NUFIP2: variants seen among roughly 807,000 people sequenced by gnomAD.
NUFIP2 encodes the protein nuclear FMR1 interacting protein 2, also known as FMR1-interacting protein NUFIP2.
In NUFIP2, 6 loss-of-function variants were observed where a neutral mutation model predicts 56.9. That is an observed-to-expected ratio of 0.11 (90% confidence interval 0.06 to 0.21). The LOEUF is 0.21. Among genes scored for constraint, NUFIP2 ranks in the 10% least tolerant of loss-of-function variants. The pLI is 1.00. For missense variants in NUFIP2, 828 were observed against 826.8 expected, an observed-to-expected ratio of 1.00 and a Z score of -0.02; for synonymous variants, 321 against 298.2, an observed-to-expected ratio of 1.08 and a Z score of -0.79.
chr17:29,263,081 A>G lies in NUFIP2; in HGVS notation c.*1458T>C, dbSNP rs1457467143. ...TAAATGCCCTGATATTTTAACCTGT[A>G]TTTGACATACATGGATATACTAATT... On this transcript the variant is annotated 3_prime_UTR_variant, in exon 4 of 4. Transcript: ENST00000225388. The G allele has an allele frequency of 6.6e-6, 1 of 152,584 alleles. No individual in the cohort carries two copies. The highest frequency in any genetic ancestry group is 2.4e-5 in the African/African-American group (1 of 41,438). The allele number at this position is 152,584 out of a possible 1,614,324, so 9.5% of individuals were successfully genotyped here.
At chr17:29,271,358 G>A (rs1223841891) in intron 2 of NUFIP2, among the ~76,000 whole-genome samples, 1 of 151,972 alleles carries the variant, frequency 6.6e-6, no homozygotes, top group Non-Finnish European at 1.5e-5. Flanking sequence ...CCAACATGGT[G>A]AAACCCCGTC....
At position 29,257,557 on chromosome 17, in the gene NUFIP2, T is replaced by C. The variant is rs1338804099; in HGVS notation, c.*6982A>G. 1 of 152,118 alleles carries C rather than the reference T, an allele frequency of 6.6e-6. No individual in the cohort carries two copies. The highest frequency in any genetic ancestry group is 1.5e-5 in the Non-Finnish European group (1 of 68,006). 9.4% of individuals were successfully genotyped at this position (152,118 alleles called of 1,614,324 possible). A position where few individuals can be genotyped will look rare whatever the true frequency, so the allele number is the denominator to read the frequency against. ...ATGACAAGAATTGCACAGTTTATTA[T>C]TTTGAGACAATTGTTGCAGACATAA... On this transcript the variant is annotated 3_prime_UTR_variant, in exon 4 of 4. Coordinates refer to ENST00000225388, the MANE Select transcript of NUFIP2 (RefSeq NM_020772.3).
rs755159626 is a variant in NUFIP2 at position 29,294,094 on chromosome 17, G to A, written c.-35C>T. 4 of 1,567,668 alleles carry A rather than the reference G, an allele frequency of 2.6e-6. No homozygotes were observed. Among genetic ancestry groups the A allele is most frequent in the East Asian group, 2.2e-5 (1 of 44,466 alleles). On this transcript the variant is annotated 5_prime_UTR_variant, in exon 1 of 4. Transcript: ENST00000225388. Reference sequence around the variant, plus strand: ...CTGGGACTCCCTGGCTGAGGCTGCGGGCTGCTGCACCGTCAGGATCTGAGA... The same window carrying A: ...CTGGGACTCCCTGGCTGAGGCTGCGAGCTGCTGCACCGTCAGGATCTGAGA...
chr17:29,286,791 G>C lies in NUFIP2; in HGVS notation c.1203C>G (p.Val401=). ...TAACAGATTTCAGCGCTGACATAGG[G>C]ACCTGGGATAAGCGACTTGATGATT... ...QTQSSSRLSQ[V]PMSALKSVTS... is the part of the protein sequence containing the mutation. Residue 401 remains valine, a synonymous_variant, in exon 2 of 4, where the codon GTC becomes GTG. Transcript: ENST00000225388. 6.2e-7 allele frequency: 1 copy of C among 1,614,154 alleles called. No homozygotes were observed. The highest frequency in any genetic ancestry group is 1.1e-5 in the South Asian group (1 of 91,080).
At position 29,286,377 on chromosome 17, in the gene NUFIP2, T is replaced by C. The variant is rs768614992; in HGVS notation, c.1617A>G (p.Glu539=). Residue 539 remains glutamate (E), a synonymous_variant, in exon 2 of 4, where the codon GAA becomes GAG. Coordinates refer to ENST00000225388, the MANE Select transcript of NUFIP2 (RefSeq NM_020772.3). ...HKVMEVTFQG[E]YPATLVSQGA... ...CCTGTGAAACCAAAGTAGCAGGATA[T>C]TCTCCTTGAAATGTCACCTCCATCA... The C allele has an allele frequency of 1.2e-6, 2 of 1,614,142 alleles. No homozygotes were observed. Among genetic ancestry groups the C allele is most frequent in the Non-Finnish European group, 1.7e-6 (2 of 1,179,998 alleles).
Position 29,287,099 on chromosome 17 carries a change from T to C in NUFIP2, c.895A>G (p.Met299Val), listed in dbSNP as rs758605913. The change falls in exon 2 of 4, where the codon ATG (methionine) becomes GTG (valine). Residue 299 changes from methionine (M) to valine (V), a missense_variant. Met to Val is a conservative substitution (Grantham distance 21). Transcript: ENST00000225388. ...TTACTATCTGAGCTTTTCCGAAGCA[T>C]ATCACCCACAGCAGGTTTTCCTCGA... ...TSRGKPAVGD[M>V]LRKSSDSKPG... 3 of 1,614,198 alleles carry C rather than the reference T, an allele frequency of 1.9e-6. No individual in the cohort carries two copies. The highest frequency in any genetic ancestry group is 8.5e-7 in the Non-Finnish European group (1 of 1,180,042).
At chr17:29,274,597 G>A (rs573014474) in intron 2 of NUFIP2, among the ~76,000 whole-genome samples, 10 of 152,250 alleles carry the variant, frequency 6.6e-5, no homozygotes, top group Non-Finnish European at 1.2e-4. Flanking sequence ...AAGATGCTAC[G>A]GTTCACAAAG....
At chr17:29,281,466 TCAA>T (rs1022169700) in intron 2 of NUFIP2, among the ~76,000 whole-genome samples, 4 of 151,254 alleles carry the variant, frequency 2.6e-5, no homozygotes, top group Non-Finnish European at 4.4e-5. Context: ...TACTCCAGCC[TCAA>T]CAACACAGCA....
rs1356851102 is a variant in NUFIP2, at chr17:29,285,979, A to G, written c.2002+13T>C. ...GCCAATAAAAATCTTTGTATAGGAA[A>G]CAAATGAGTTACCTTTAGTGTGATA... is the stretch of plus-strand genomic sequence containing the variant. On this transcript the variant is annotated intron_variant, in intron 2 of 3. Coordinates refer to ENST00000225388, the MANE Select transcript of NUFIP2 (RefSeq NM_020772.3). The G allele has an allele frequency of 1.3e-6, 2 of 1,574,228 alleles. No homozygotes were observed. The highest frequency in any genetic ancestry group is 1.7e-6 in the Non-Finnish European group (2 of 1,160,788).
chr17:29,261,754 T>C lies in NUFIP2; in HGVS notation c.*2785A>G, dbSNP rs928670104. On this transcript the variant is annotated 3_prime_UTR_variant, in exon 4 of 4. Coordinates refer to ENST00000225388, the MANE Select transcript of NUFIP2 (RefSeq NM_020772.3). ...AAAGAGATTTGTCCCAAAGTCCTGC[T>C]TGTACCTAGGCAATTAAGTCTATTA... The C allele has an allele frequency of 1.3e-5, 2 of 152,628 alleles. No homozygotes were observed. Among genetic ancestry groups the C allele is most frequent in the Non-Finnish European group, 2.9e-5 (2 of 68,026 alleles). 9.5% of individuals were successfully genotyped at this position (152,628 alleles called of 1,614,324 possible). A position where few individuals can be genotyped will look rare whatever the true frequency, so the allele number is the denominator to read the frequency against.
chr17:29,276,198 G>C (rs2069107561), intron 2 of NUFIP2, among the ~76,000 whole-genome samples: 2 of 152,022 alleles, frequency 1.3e-5, no homozygotes, highest in African/African-American at 4.8e-5. Context: ...CTAACTTAAA[G>C]GACTTTAAAC....
At chr17:29,273,636 G>GT (rs1280942348) in intron 2 of NUFIP2, among the ~76,000 whole-genome samples, 1 of 152,184 alleles carries the variant, frequency 6.6e-6, no homozygotes, top group Middle Eastern at 3.4e-3. Flanking sequence ...CTAATAGAAC[G>GT]TAAGTAAAAG....
rs890666359 is a variant in NUFIP2 at position 29,257,515 on chromosome 17, G to A, written c.*7024C>T. On this transcript the variant is annotated 3_prime_UTR_variant, in exon 4 of 4. Transcript: ENST00000225388. ...AACAAGTCACATTAGGGAAAATTCA[G>A]ATCTTTTTTTTTTTTAATGACAAGA... 1 of 151,668 alleles carries A rather than the reference G, an allele frequency of 6.6e-6. No individual in the cohort carries two copies. The highest frequency in any genetic ancestry group is 2.4e-5 in the African/African-American group (1 of 41,256). 9.4% of individuals were successfully genotyped at this position (151,668 alleles called of 1,614,324 possible). A position where few individuals can be genotyped will look rare whatever the true frequency, so the allele number is the denominator to read the frequency against.
rs1411162728 is a variant in NUFIP2 at position 29,264,487 on chromosome 17, T to C, written c.*52A>G. ...GAGCATAAAAGCCTTGTGTCCCCCATGAACGATGGCTCTAATGCTGCAGAA... is the reference window on the plus strand; with the variant it reads ...GAGCATAAAAGCCTTGTGTCCCCCACGAACGATGGCTCTAATGCTGCAGAA... On this transcript the variant is annotated 3_prime_UTR_variant, in exon 4 of 4. Transcript: ENST00000225388. 3.1e-6 allele frequency: 4 copies of C among 1,289,572 alleles called. No homozygotes were observed. Among genetic ancestry groups the C allele is most frequent in the East Asian group, 2.3e-5 (1 of 43,058 alleles). 79.9% of individuals were successfully genotyped at this position (1,289,572 alleles called of 1,614,324 possible). A position where few individuals can be genotyped will look rare whatever the true frequency, so the allele number is the denominator to read the frequency against.
At chr17:29,284,989 A>G (rs1405735546) in intron 2 of NUFIP2, among the ~76,000 whole-genome samples, 4 of 152,006 alleles carry the variant, frequency 2.6e-5, no homozygotes, top group Non-Finnish European at 4.4e-5. Flanking sequence ...GCTCACTATT[A>G]AAGACGCATA....
intron 2 of NUFIP2, among the ~76,000 whole-genome samples, chr17:29,284,769 A>G (rs1225888723): frequency 6.6e-6 from 1 of 151,794 alleles, no homozygotes; most frequent in African/African-American, 2.4e-5. Flanking sequence ...AACTTGAAAG[A>G]TACCTGGTTC....
At chr17:29,291,091 C>T (rs2069210540) in intron 1 of NUFIP2, among the ~76,000 whole-genome samples, 1 of 150,468 alleles carries the variant, frequency 6.6e-6, no homozygotes, top group Non-Finnish European at 1.5e-5. Context: ...AAGTTTTTCT[C>T]ATGACAACCT....
intron 2 of NUFIP2, among the ~76,000 whole-genome samples, chr17:29,272,122 AAAAG>A (rs907599891): frequency 1.3e-5 from 2 of 150,872 alleles, no homozygotes; most frequent in Non-Finnish European, 3.0e-5. Context: ...AGAAGAGAAG[AAAAG>A]AAAGAAACAA....
At chr17:29,276,142 T>C (rs1297670381) in intron 2 of NUFIP2, among the ~76,000 whole-genome samples, 1 of 151,972 alleles carries the variant, frequency 6.6e-6, no homozygotes. Context: ...TTGTGTCTCC[T>C]AGCACTTGAC....
Sources: gnomAD v4.1 joint callset for allele counts (sites outside exome capture counted in the v4.1 genomes callset) on GRCh38, gnomAD v4.1.1 for gene constraint, MANE v1.5 for transcripts, NCBI Gene and HGNC (gene_info 2026-07-23, HGNC 2026-07-21) for gene names.